RALYL: variants seen among roughly 807,000 people sequenced by gnomAD.
The protein encoded by RALYL is RNA-binding Raly-like protein.
Under a neutral mutation model 35.1 loss-of-function variants are expected in RALYL, and 29 were observed. The ratio of observed to expected loss-of-function variants is 0.83; its 90% CI spans 0.61 to 1.13. RALYL has a LOEUF of 1.13. RALYL is among the 50% of genes most tolerant of loss of function. The pLI is 0.00. For missense variants in RALYL, 359 were observed against 360.4 expected (o/e 1.00, Z 0.03); for synonymous variants, 120 against 127.6 (o/e 0.94, Z 0.40).
At chr8:84,758,468 A>G (rs1024014928) in intron 2 of RALYL, among the ~76,000 whole-genome samples, 6 of 152,138 alleles carry the variant, frequency 3.9e-5, no homozygotes, top group African/African-American at 1.4e-4. Context: ...AGTTTACCTG[A>G]AAGGTTTTGG....
chr8:84,523,893 A>G (rs1179474534), intron 1 of RALYL, among the ~76,000 whole-genome samples: 1 of 151,656 alleles, frequency 6.6e-6, no homozygotes, highest in African/African-American at 2.4e-5. Context: ...TATGTGCCAC[A>G]TTTTCTTAAT....
intron 2 of RALYL, among the ~76,000 whole-genome samples, chr8:84,646,185 A>T (rs547119365): frequency 3.1e-4 from 47 of 151,388 alleles, no homozygotes; most frequent in African/African-American, 1.1e-3. Context: ...ATTTTTTTTT[A>T]AATAAAAATG....
intron 1 of RALYL, among the ~76,000 whole-genome samples, chr8:84,246,975 C>A (rs908250437): frequency 6.6e-6 from 1 of 152,130 alleles, no homozygotes; most frequent in African/African-American, 2.4e-5. Context: ...CAGATCCTAG[C>A]TTTTGTATTT....
rs1234449360 is a variant in RALYL, at chr8:84,638,895, T to G, written c.256+109318T>G. 5.4e-5 allele frequency among the ~76,000 whole-genome samples: 3 copies of G among 55,820 alleles called. No individual in the cohort carries two copies. The East Asian group carries it at 1.5e-3, about 28-fold the overall frequency. 36.6% of individuals were successfully genotyped at this position (55,820 alleles called of 152,430 possible). A position where few individuals can be genotyped will look rare whatever the true frequency, so the allele number is the denominator to read the frequency against. On this transcript the variant is annotated intron_variant, in intron 2 of 8. Transcript: ENST00000521268. ...AAATATATATATATATATATATATA[T>G]ATATATATATATATATATATATATA...
At chr8:84,909,404 G>T (rs1358239484) in intron 8 of RALYL, among the ~76,000 whole-genome samples, 1 of 152,068 alleles carries the variant, frequency 6.6e-6, no homozygotes, top group Non-Finnish European at 1.5e-5. Context: ...GGAATAGGAA[G>T]AAATTAACAC....
chr8:84,702,497 T>C (rs548146419), intron 2 of RALYL, among the ~76,000 whole-genome samples: 86 of 151,984 alleles, frequency 5.7e-4, no homozygotes, highest in South Asian at 1.7e-3. Context: ...ATAATGTATA[T>C]TTAGCATAGG....
intron 4 of RALYL, among the ~76,000 whole-genome samples, chr8:84,844,371 C>T (rs1834125210): frequency 6.6e-6 from 1 of 152,192 alleles, no homozygotes; most frequent in Non-Finnish European, 1.5e-5. Context: ...TGAAAAAATG[C>T]TCACCATCAC....
intron 2 of RALYL, among the ~76,000 whole-genome samples, chr8:84,592,746 G>C (rs962441654): frequency 1.3e-5 from 2 of 151,988 alleles, no homozygotes; most frequent in Non-Finnish European, 2.9e-5. Flanking sequence ...TAAGCACAAA[G>C]CATAAAAATG....
intron 1 of RALYL, among the ~76,000 whole-genome samples, chr8:84,357,358 A>G (rs930690924): frequency 6.6e-6 from 1 of 152,032 alleles, no homozygotes; most frequent in African/African-American, 2.4e-5. Context: ...ATGCATTCCC[A>G]CTTACTGCCT....
Position 84,883,749 on chromosome 8 carries a change from A to G in RALYL, c.686-3855A>G, listed in dbSNP as rs142954027. On this transcript the variant is annotated intron_variant, in intron 7 of 8. Coordinates refer to ENST00000521268, the MANE Select transcript of RALYL (RefSeq NM_173848.7). ...AAAGGCTGTGTTGAAACCAAAACCC[A>G]AGATAATCTTTATAATGCCTGATTC... Among the ~76,000 whole-genome samples, 232 of 152,208 alleles carry G rather than the reference A, an allele frequency of 1.5e-3. 1 individual carries two copies. Among genetic ancestry groups the G allele is most frequent in the African/African-American group, 5.2e-3 (215 of 41,568 alleles).
intron 2 of RALYL, among the ~76,000 whole-genome samples, chr8:84,720,207 C>G (rs1204409252): frequency 1.3e-5 from 2 of 152,066 alleles, no homozygotes; most frequent in African/African-American, 2.4e-5. Flanking sequence ...CCAAAGCAAT[C>G]TTAGGCAAAA....
intron 1 of RALYL, among the ~76,000 whole-genome samples, chr8:84,500,737 G>A (rs980093796): frequency 1.1e-4 from 17 of 152,096 alleles, no homozygotes; most frequent in Admixed American, 1.1e-3. Flanking sequence ...ATAATGACTG[G>A]CCTCACTAAT....
chr8:84,739,318 C>T (rs1338962762), intron 2 of RALYL, among the ~76,000 whole-genome samples: 1 of 151,640 alleles, frequency 6.6e-6, no homozygotes, highest in East Asian at 1.9e-4. Context: ...AAAGCTATCA[C>T]AGATCTTAGC....
chr8:84,306,158 C>T (rs1227358634), intron 1 of RALYL, among the ~76,000 whole-genome samples: 4 of 149,644 alleles, frequency 2.7e-5, no homozygotes, highest in South Asian at 2.1e-4. Flanking sequence ...AGCGAGACTC[C>T]GTCTAAAAAA....
intron 1 of RALYL, among the ~76,000 whole-genome samples, chr8:84,293,291 A>G (rs1246252677): frequency 6.6e-6 from 1 of 152,198 alleles, no homozygotes; most frequent in Non-Finnish European, 1.5e-5. Flanking sequence ...TCATATGACT[A>G]CAATGGTAGA....
In RALYL at chr8:84,350,859, G is replaced by T. The variant is rs929351692; in HGVS notation, c.-24+166435G>T. 3.5e-4 allele frequency among the ~76,000 whole-genome samples: 52 copies of T among 150,104 alleles called. 2 individuals are homozygous for T. Among genetic ancestry groups the T allele is most frequent in the African/African-American group, 1.2e-3 (50 of 40,330 alleles). On this transcript the variant is annotated intron_variant, in intron 1 of 8. Transcript: ENST00000521268. ...ATAGAAGAGTTGCTTTCTATGCTCC[G>T]AAGAGCTTTGCCAGCTATCTTTGTT... is the stretch of plus-strand genomic sequence containing the variant.
At chr8:84,191,225 A>C (rs1194680729) in intron 1 of RALYL, among the ~76,000 whole-genome samples, 2 of 151,484 alleles carry the variant, frequency 1.3e-5, no homozygotes, top group Non-Finnish European at 2.9e-5. Context: ...CAGTGATAAC[A>C]TGATCTAAAT....
chr8:84,341,028 C>T (rs1194108577), intron 1 of RALYL, among the ~76,000 whole-genome samples: 3 of 151,884 alleles, frequency 2.0e-5, no homozygotes, highest in African/African-American at 7.3e-5. Context: ...GATGATATCT[C>T]ATTGTGGTTT....
At chr8:84,572,874 T>C (rs927775744) in intron 2 of RALYL, among the ~76,000 whole-genome samples, 12 of 151,692 alleles carry the variant, frequency 7.9e-5, no homozygotes, top group Middle Eastern at 3.4e-3. Context: ...TCCTTTTTTT[T>C]CCCAATCTTC....
Sources: allele counts gnomAD v4.1 joint callset (sites outside exome capture counted in the v4.1 genomes callset), GRCh38; gene constraint gnomAD v4.1.1; transcripts MANE v1.5; gene names NCBI Gene and HGNC (gene_info 2026-07-23, HGNC 2026-07-21).